RABGAP1L: variants seen among roughly 807,000 people sequenced by gnomAD.
RABGAP1L encodes RAB GTPase activating protein 1 like, also known as rab GTPase-activating protein 1-like.
RABGAP1L carries 63 observed loss-of-function variants against 137.7 expected under a neutral mutation model. The observed-to-expected ratio is 0.46, with a 90% CI of 0.37 to 0.56. RABGAP1L has a LOEUF of 0.56. Among genes scored for constraint, RABGAP1L ranks in the 20% least tolerant of loss-of-function variants. RABGAP1L has a pLI of 0.00. For missense variants in RABGAP1L, 1,095 were observed against 1,244.0 expected (o/e 0.88, Z 1.80); for synonymous variants, 431 against 433.7 (o/e 0.99, Z 0.08).
At chr1:174,729,124 T>C (rs975718743) in intron 17 of RABGAP1L, among the ~76,000 whole-genome samples, 8 of 152,036 alleles carry the variant, frequency 5.3e-5, no homozygotes, top group Non-Finnish European at 5.9e-5. Context: ...GGTACAAAAA[T>C]AGACACATAG....
chr1:174,622,645 A>G (rs1001687494), intron 13 of RABGAP1L, among the ~76,000 whole-genome samples: 16 of 152,192 alleles, frequency 1.1e-4, no homozygotes, highest in Admixed American at 9.8e-4. Context: ...ATAGGTGGGA[A>G]TTGAACAATG....
chr1:174,434,108 TACACACACACACACACAC>T (rs35509787), intron 13 of RABGAP1L, among the ~76,000 whole-genome samples: 4 of 134,134 alleles, frequency 3.0e-5, no homozygotes, highest in South Asian at 2.5e-4. Context: ...CGTGTACACA[TACACACACACACACACAC>T]ACACACACAC....
Position 174,194,774 on chromosome 1 carries a change from G to T in RABGAP1L, c.-33-24351G>T, listed in dbSNP as rs537423108. Among the ~76,000 whole-genome samples, 7 of 152,298 alleles carry T rather than the reference G, an allele frequency of 4.6e-5. No individual in the cohort carries two copies. In the South Asian group the frequency reaches 1.0e-3, roughly 23 times the overall value. Reference sequence around the variant, plus strand: ...AGAGACAGACAACAGATAGGTGGTTGCCAGGAGTGGGGGAAGGAGAGAATG... The same window carrying T: ...AGAGACAGACAACAGATAGGTGGTTTCCAGGAGTGGGGGAAGGAGAGAATG... On this transcript the variant is annotated intron_variant, in intron 1 of 25. Coordinates refer to ENST00000681986, the MANE Select transcript of RABGAP1L (RefSeq NM_001366446.1).
chr1:174,903,581 C>T (rs1417647340), intron 19 of RABGAP1L, among the ~76,000 whole-genome samples: 1 of 152,094 alleles, frequency 6.6e-6, no homozygotes, highest in African/African-American at 2.4e-5. Flanking sequence ...TAATATAAAG[C>T]AGTATAGCAT....
chr1:174,728,416 G>A (rs1682174431), intron 17 of RABGAP1L, among the ~76,000 whole-genome samples: 1 of 152,022 alleles, frequency 6.6e-6, no homozygotes, highest in Non-Finnish European at 1.5e-5. Context: ...TCTAACCAAG[G>A]AAGTGAAAGA....
intron 18 of RABGAP1L, among the ~76,000 whole-genome samples, chr1:174,801,098 T>G (rs1009128558): frequency 3.3e-5 from 5 of 152,248 alleles, no homozygotes; most frequent in African/African-American, 9.6e-5. Flanking sequence ...TTGCTTGTTA[T>G]TTGATTTCCT....
chr1:174,938,990 C>T (rs1443870550), intron 19 of RABGAP1L, among the ~76,000 whole-genome samples: 1 of 152,172 alleles, frequency 6.6e-6, no homozygotes, highest in African/African-American at 2.4e-5. Context: ...AAGAGGCACA[C>T]AAAATAAGCT....
intron 10 of RABGAP1L, among the ~76,000 whole-genome samples, chr1:174,300,381 A>G (rs951136288): frequency 6.6e-6 from 1 of 151,208 alleles, no homozygotes; most frequent in Non-Finnish European, 1.5e-5. Flanking sequence ...CAAAATTAGC[A>G]GGTTGTGGTG....
At chr1:174,590,025 C>T (rs1054843063) in intron 13 of RABGAP1L, among the ~76,000 whole-genome samples, 2 of 150,846 alleles carry the variant, frequency 1.3e-5, no homozygotes, top group Non-Finnish European at 3.0e-5. Flanking sequence ...ATTCGGATTA[C>T]ACTGAATCTG....
At chr1:174,166,646 TAATC>T (rs1353496140) in intron 1 of RABGAP1L, among the ~76,000 whole-genome samples, 1 of 152,252 alleles carries the variant, frequency 6.6e-6, no homozygotes, top group African/African-American at 2.4e-5. Context: ...TTGTGTCTGT[TAATC>T]AAGTTGAAGT....
intron 19 of RABGAP1L, among the ~76,000 whole-genome samples, chr1:174,884,217 A>C (rs1654715276): frequency 6.6e-6 from 1 of 152,222 alleles, no homozygotes; most frequent in African/African-American, 2.4e-5. Flanking sequence ...CAGCAAAGGA[A>C]GGGAGCTCTT....
rs528433761 is a variant in RABGAP1L at position 174,258,852 on chromosome 1, A to G, written c.986+6262A>G. The stretch of plus-strand genomic sequence containing the variant: ...GAGTGCAGTGATGTGATCATAGCTC[A>G]CTGCAGCCTTGAACTCCTGGGGTCA... On this transcript the variant is annotated intron_variant, in intron 7 of 25. Coordinates refer to ENST00000681986, the MANE Select transcript of RABGAP1L (RefSeq NM_001366446.1). Among the ~76,000 whole-genome samples, 14 of 152,112 alleles carry G rather than the reference A, an allele frequency of 9.2e-5. No homozygotes were observed. The South Asian group carries it at 2.5e-3, about 27-fold the overall frequency.
intron 7 of RABGAP1L, among the ~76,000 whole-genome samples, chr1:174,253,022 CAAAG>C (rs1672840906): frequency 1.3e-5 from 2 of 151,914 alleles, no homozygotes; most frequent in Non-Finnish European, 2.9e-5. Flanking sequence ...ATTCAGAAAA[CAAAG>C]GAATGGTAGG....
At chr1:174,856,409 A>AAAAAG (rs1371186630) in intron 19 of RABGAP1L, among the ~76,000 whole-genome samples, 1 of 149,840 alleles carries the variant, frequency 6.7e-6, no homozygotes, top group African/African-American at 2.4e-5. Flanking sequence ...AAAAAAAAAA[A>AAAAAG]AAAAGAAAAG....
At chr1:174,877,531 G>C in intron 19 of RABGAP1L, 1 of 1,613,996 alleles carries the variant, frequency 6.2e-7, no homozygotes, top group South Asian at 1.1e-5. Context: ...AGCCTATGAC[G>C]CCCATGTTTT....
intron 19 of RABGAP1L, among the ~76,000 whole-genome samples, chr1:174,953,754 A>T (rs114691765): frequency 1.3e-5 from 2 of 152,194 alleles, no homozygotes; most frequent in Admixed American, 6.5e-5. Flanking sequence ...ATCAGCAGAC[A>T]CTGTGGGAGA....
intron 1 of RABGAP1L, among the ~76,000 whole-genome samples, chr1:174,170,960 T>C (rs1665331708): frequency 6.6e-6 from 1 of 152,238 alleles, no homozygotes; most frequent in African/African-American, 2.4e-5. Flanking sequence ...AGTAATGCTA[T>C]AAAATAAGTT....
intron 19 of RABGAP1L, among the ~76,000 whole-genome samples, chr1:174,875,124 T>C (rs1027764216): frequency 3.3e-5 from 5 of 152,252 alleles, no homozygotes; most frequent in Admixed American, 2.6e-4. Context: ...AAAACATTTA[T>C]CTAAGAACCT....
In RABGAP1L at chr1:174,699,630, C is replaced by A. The variant is rs1679503751; in HGVS notation, c.2005C>A (p.Gln669Lys). 1 of 1,607,716 alleles carries A rather than the reference C, an allele frequency of 6.2e-7. No homozygotes were observed. Among genetic ancestry groups the A allele is most frequent in the African/African-American group, 1.3e-5 (1 of 74,858 alleles). The change falls in exon 16 of 26, where the codon CAG becomes AAG. Residue 669 changes from glutamine to lysine, a missense_variant. Around this residue, in one of 4 missense-constraint regions of RABGAP1L, gnomAD observed 315 missense variants for 324.8 expected, o/e 0.97. Transcript: ENST00000681986. ...NFEDLHCKFY[Q>K]LERLMQEQLP... The stretch of plus-strand genomic sequence containing the variant: ...CGAAGATCTTCATTGCAAATTCTAC[C>A]AGTTGGAGAGACTAATGCAGGTAAA...
Sources: allele counts gnomAD v4.1 joint callset (sites outside exome capture counted in the v4.1 genomes callset), GRCh38; gene constraint gnomAD v4.1.1; regional missense constraint gnomAD v4.1.1; transcripts MANE v1.5; gene names NCBI Gene and HGNC (gene_info 2026-07-23, HGNC 2026-07-21).